MYH1: variants seen among roughly 807,000 people sequenced by gnomAD.
MYH1 encodes the protein myosin-1.
MYH1 carries 214 observed loss-of-function variants against 225.6 expected under a neutral mutation model. The observed-to-expected ratio is 0.95, with a 90% CI of 0.85 to 1.06. The LOEUF is 1.06. Among genes scored for constraint, MYH1 ranks in the 50% least tolerant of loss-of-function variants. The pLI, the probability that MYH1 is intolerant of heterozygous loss-of-function variation, is 0.00. For synonymous variants in MYH1, 774 were observed against 842.3 expected (o/e 0.92, Z 1.40); for missense variants, 2,098 against 2,344.2 (o/e 0.89, Z 2.17).
intron 17 of MYH1, 96 bp from the exon 18 acceptor site, chr17:10,506,195 T>G: frequency 6.8e-7 from 1 of 1,468,544 alleles, no homozygotes; most frequent in East Asian, 2.3e-5. Context: ...AGTGGTTTAA[T>G]TCTAATGAAT....
chr17:10,500,658 G>A lies in MYH1; in HGVS notation c.3833C>T (p.Thr1278Ile). Residue 1278 changes from threonine (T) to isoleucine (I), a missense_variant, in exon 28 of 40, where the codon ACA (threonine) becomes ATA (isoleucine). Thr to Ile is a moderately conservative substitution (Grantham distance 89, BLOSUM62 -1). Transcript: ENST00000226207. ...EEQQRLINDL[T>I]AQRARLQTES... ...TGTTTGCAGGCGCGCTCTCTGTGCT[G>A]TGAGGTCATTGATCAGCCGCTGCTG... 2 of 1,613,934 alleles carry A rather than the reference G, an allele frequency of 1.2e-6. No individual in the cohort carries two copies. The highest frequency in any genetic ancestry group is 2.2e-5 in the East Asian group (1 of 44,876).
At chr17:10,494,078 C>T (rs1210261128) in intron 39 of MYH1, among the ~76,000 whole-genome samples, 1 of 152,230 alleles carries the variant, frequency 6.6e-6, no homozygotes, top group Non-Finnish European at 1.5e-5. Flanking sequence ...TCCTGCCTGG[C>T]TCTCCAGTCC....
rs745324945 is a variant in MYH1, at chr17:10,508,583, A to G, written c.1677T>C (p.His559=). The stretch of plus-strand genomic sequence containing the variant: ...TCTGGAAGTTATTGGATTTTCCAAG[A>G]TGTTGTTCATACAGCTTGTTCTTGA... The part of the protein sequence containing the change: ...TSFKNKLYEQ[H]LGKSNNFQKP... Residue 559 remains histidine, a synonymous_variant, in exon 16 of 40, where the codon CAT becomes CAC. Transcript: ENST00000226207. 10 of 1,614,204 alleles carry G rather than the reference A, an allele frequency of 6.2e-6. No individual in the cohort carries two copies. The East Asian group carries it at 1.8e-4, about 29-fold the overall frequency.
Position 10,498,821 on chromosome 17 carries a change from G to T in MYH1, c.3986C>A (p.Ala1329Asp). 1 of 1,614,138 alleles carries T rather than the reference G, an allele frequency of 6.2e-7. No homozygotes were observed. The highest frequency in any genetic ancestry group is 8.5e-7 in the Non-Finnish European group (1 of 1,179,998). ...LKRQLEEEIK[A>D]KSALAHALQS... ...CAGGGCATGTGCCAGGGCACTCTTG[G>T]CCTGAGAACATAGAGATTGATGACT... Residue 1329 changes from alanine to aspartate, a missense_variant and splice_region_variant, in exon 30 of 40, where the codon GCC (alanine) becomes GAC (aspartate). By Grantham distance (126) the Ala-to-Asp change is moderately radical (BLOSUM62 -2). Coordinates refer to ENST00000226207, the MANE Select transcript of MYH1 (RefSeq NM_005963.4).
intron 16 of MYH1, 38 bp from the exon 17 acceptor site, chr17:10,507,994 C>A: frequency 4.1e-6 from 6 of 1,468,840 alleles, no homozygotes; most frequent in Non-Finnish European, 4.7e-6. Context: ...GACAGCCTTT[C>A]TCTGGTTATG....
intron 19 of MYH1, 103 bp downstream of exon 19, chr17:10,505,709 C>A (rs779180085): frequency 4.7e-6 from 7 of 1,495,964 alleles, no homozygotes; most frequent in Non-Finnish European, 6.4e-6. Flanking sequence ...GTGAGTTTAT[C>A]TTCTCTTCAA....
intron 22 of MYH1, 73 bp from the exon 23 acceptor site, chr17:10,503,321 A>C: frequency 6.4e-7 from 1 of 1,565,758 alleles, no homozygotes; most frequent in Non-Finnish European, 8.6e-7. Flanking sequence ...TAATATTTTG[A>C]AACCAAACAA....
chr17:10,503,367 AG>A, intron 22 of MYH1, 119 bp from the exon 23 acceptor site: 1 of 1,381,306 alleles, frequency 7.2e-7, no homozygotes, highest in Non-Finnish European at 9.8e-7. Flanking sequence ...AATTTTTATT[AG>A]CTTTCTACCA....
In MYH1 at chr17:10,513,702, A is replaced by C. The variant is rs372637828; in HGVS notation, c.742-13T>G. 9.3e-6 allele frequency: 15 copies of C among 1,613,992 alleles called. No homozygotes were observed. The highest frequency in any genetic ancestry group is 1.3e-5 in the Non-Finnish European group (15 of 1,179,850). ...TGATGAATTTACCCTTGTAAGTAAA[A>C]AAAATGATGTTATACCCAAAGCTTG... On this transcript the variant is annotated splice_polypyrimidine_tract_variant and intron_variant, in intron 8 of 39. Coordinates refer to ENST00000226207, the MANE Select transcript of MYH1 (RefSeq NM_005963.4).
rs750986931 is a variant in MYH1 at position 10,508,431 on chromosome 17, C to A, written c.1829G>T (p.Gly610Val). 1.9e-6 allele frequency: 3 copies of A among 1,614,140 alleles called. No individual in the cohort carries two copies. Among genetic ancestry groups the A allele is most frequent in the Non-Finnish European group, 2.5e-6 (3 of 1,180,018 alleles). Residue 610 changes from glycine (G) to valine (V), a missense_variant, in exon 16 of 40, where the codon GGG (glycine) becomes GTG (valine). Physicochemically the swap from Gly to Val is moderately radical, Grantham distance 109. Coordinates refer to ENST00000226207, the MANE Select transcript of MYH1 (RefSeq NM_005963.4). ...CTTCATTGCAGACTTCTGGTACAGC[C>A]CCACCACAGTCTCATTCAGGGGGTC... is the stretch of plus-strand genomic sequence containing the variant. ...NKDPLNETVV[G>V]LYQKSAMKTL... is the part of the protein sequence containing the mutation.
Position 10,502,671 on chromosome 17 carries a change from A to G in MYH1, c.3111+67T>C. On this transcript the variant is annotated intron_variant, in intron 24 of 39. Transcript: ENST00000226207. ...TAAGTACTCACTATATCATAACGAC[A>G]CAAACTTATGCTTACTTAGTTTGTT... 3.7e-6 allele frequency: 6 copies of G among 1,611,082 alleles called. No homozygotes were observed. The South Asian group carries it at 5.5e-5, about 15-fold the overall frequency.
chr17:10,508,029 T>G (rs904402367), intron 16 of MYH1, 73 bp from the exon 17 acceptor site: 153 of 1,274,270 alleles, frequency 1.2e-4, no homozygotes, highest in Admixed American at 1.7e-4. Flanking sequence ...TTTTTTTTTG[T>G]TTTTTTTGAC....
rs779992111 is a variant in MYH1, at chr17:10,516,510, C to T, written c.133G>A (p.Glu45Lys). 1.9e-6 allele frequency: 3 copies of T among 1,614,192 alleles called. No homozygotes were observed. The highest frequency in any genetic ancestry group is 2.5e-6 in the Non-Finnish European group (3 of 1,180,046). ...KTSVFVVDPK[E>K]SFVKATVQSR... ...TGCACTGTTGCTTTCACAAAGGACT[C>T]CTTAGGGTCCACCACAAAGACTGAT... The change falls in exon 3 of 40, where the codon GAG (glutamate) becomes AAG (lysine). Residue 45 changes from glutamate to lysine, a missense_variant. Coordinates refer to ENST00000226207, the MANE Select transcript of MYH1 (RefSeq NM_005963.4).
chr17:10,499,188 T>C (rs560962881), intron 28 of MYH1, 96 bp from the exon 29 acceptor site: 20 of 1,007,146 alleles, frequency 2.0e-5, no homozygotes, highest in African/African-American at 4.8e-5. Flanking sequence ...AGTTTGAAAC[T>C]TGATGGAGGG....
chr17:10,501,915 A>C lies in MYH1; in HGVS notation c.3112-4T>G, dbSNP rs1279826582. ...CTTGTTCCAAAGATCCTTCAAGCTA[A>C]AAGTTAATAATCCATGAATATGGTT... On this transcript the variant is annotated splice_region_variant and splice_polypyrimidine_tract_variant and intron_variant, in intron 24 of 39. Coordinates refer to ENST00000226207, the MANE Select transcript of MYH1 (RefSeq NM_005963.4). 13 of 1,599,182 alleles carry C rather than the reference A, an allele frequency of 8.1e-6. No homozygotes were observed. The highest frequency in any genetic ancestry group is 6.9e-5 in the South Asian group (6 of 86,816).
chr17:10,492,679 T>G, intron 39 of MYH1, 111 bp from the exon 40 acceptor site: 3 of 1,231,612 alleles, frequency 2.4e-6, no homozygotes. Context: ...CTAGCAGATA[T>G]TTTAAGAAAC....
intron 20 of MYH1, 27 bp from the exon 21 acceptor site, chr17:10,505,326 GA>G (rs2073100167): frequency 6.2e-7 from 1 of 1,614,160 alleles, no homozygotes; most frequent in East Asian, 2.2e-5. Context: ...TTTCAGATCA[GA>G]AAATTTACAT....
intron 28 of MYH1, among the ~76,000 whole-genome samples, chr17:10,499,495 A>G (rs946334639): frequency 6.6e-6 from 1 of 152,220 alleles, no homozygotes. Context: ...GTGGAAAATA[A>G]GAGACTTTGG....
chr17:10,500,335 T>C (rs1283165106), intron 28 of MYH1, among the ~76,000 whole-genome samples: 4 of 151,492 alleles, frequency 2.6e-5, no homozygotes, highest in Admixed American at 6.6e-5. Context: ...TAGAAGGGCC[T>C]GATTCTATTT....
Sources: gnomAD v4.1 joint callset for allele counts (sites outside exome capture counted in the v4.1 genomes callset) on GRCh38, gnomAD v4.1.1 for gene constraint, MANE v1.5 for transcripts, NCBI Gene and HGNC (gene_info 2026-07-23, HGNC 2026-07-21) for gene names.